Variants in DET1 observed in about 807,000 individuals in gnomAD.
DET1 encodes DET1 homolog.
DET1 carries 22 observed loss-of-function variants against 43.7 expected under a neutral mutation model. The ratio of observed to expected loss-of-function variants is 0.50; its 90% CI spans 0.36 to 0.72. The LOEUF (loss-of-function observed/expected upper bound fraction) is 0.72. DET1 is among the 30% of genes least tolerant of loss of function. The pLI is 0.00. For missense variants in DET1, 713 were observed against 713.3 expected, an observed-to-expected ratio of 1.00 and a Z score of 0.00; for synonymous variants, 315 against 266.2, an observed-to-expected ratio of 1.18 and a Z score of -1.79.
At chr15:88,520,614 AT>A (rs2056464621) in intron 3 of DET1, among the ~76,000 whole-genome samples, 1 of 152,242 alleles carries the variant, frequency 6.6e-6, no homozygotes, top group South Asian at 2.1e-4. Context: ...ATCCAGAAAC[AT>A]TAGAATTATC....
At chr15:88,539,315 C>T (rs1157799716) in intron 1 of DET1, among the ~76,000 whole-genome samples, 7 of 151,940 alleles carry the variant, frequency 4.6e-5, no homozygotes, top group Admixed American at 2.6e-4. Context: ...AAGGCAGCAT[C>T]GGACATAGCT....
chr15:88,540,369 TTC>T (rs2057074007), intron 1 of DET1, among the ~76,000 whole-genome samples: 2 of 152,064 alleles, frequency 1.3e-5, no homozygotes, highest in East Asian at 1.9e-4. Context: ...GTTATGTTAA[TTC>T]TGTTTTTCTG....
intron 3 of DET1, among the ~76,000 whole-genome samples, chr15:88,520,607 C>A (rs1262197377): frequency 6.6e-6 from 1 of 152,224 alleles, no homozygotes; most frequent in Non-Finnish European, 1.5e-5. Context: ...CTGTTCAATC[C>A]AGAAACATTA....
intron 1 of DET1, among the ~76,000 whole-genome samples, chr15:88,545,591 CT>C (rs1450990911): frequency 6.6e-6 from 1 of 152,068 alleles, no homozygotes; most frequent in Non-Finnish European, 1.5e-5. Flanking sequence ...ATTTTTAGGC[CT>C]TGTATATTAA....
At chr15:88,521,115 T>G (rs1327235778) in intron 3 of DET1, among the ~76,000 whole-genome samples, 5 of 152,208 alleles carry the variant, frequency 3.3e-5, no homozygotes, top group Admixed American at 3.3e-4. Flanking sequence ...TCTCTGACCC[T>G]ATTTCCAAGT....
Position 88,536,392 on chromosome 15 carries a change from G to A in DET1, c.-10-4677C>T, listed in dbSNP as rs570920376. ...CTGTATTCCCAGCACCTAGGAGAAG[G>A]GACAGTTAAGCGCTCATAAATATGT... On this transcript the variant is annotated intron_variant, in intron 1 of 4. Coordinates refer to ENST00000268148, the MANE Select transcript of DET1 (RefSeq NM_001144074.3). 1.4e-4 allele frequency: 106 copies of A among 760,838 alleles called. 1 individual carries two copies. In the South Asian group the frequency reaches 1.5e-3, roughly 10 times the overall value. 47.1% of individuals were successfully genotyped at this position (760,838 alleles called of 1,614,324 possible).
chr15:88,508,359 C>A (rs891817326), downstream of DET1, among the ~76,000 whole-genome samples: 1 of 152,118 alleles, frequency 6.6e-6, no homozygotes, highest in East Asian at 1.9e-4. Flanking sequence ...AGCATATAAC[C>A]CTGAAATTCA....
chr15:88,511,547 T>C (rs1394571963), downstream of DET1: 9 of 985,446 alleles, frequency 9.1e-6, no homozygotes, highest in East Asian at 7.9e-4. Flanking sequence ...CACAGTATAT[T>C]TTTCTTTTTC....
chr15:88,543,228 A>T (rs2057158739), intron 1 of DET1, among the ~76,000 whole-genome samples: 1 of 152,156 alleles, frequency 6.6e-6, no homozygotes, highest in Non-Finnish European at 1.5e-5. Flanking sequence ...TGGCTTATTT[A>T]TCTAAGAGGC....
intron 3 of DET1, among the ~76,000 whole-genome samples, chr15:88,526,553 T>C (rs371738819): frequency 6.6e-6 from 1 of 152,076 alleles, no homozygotes; most frequent in South Asian, 2.1e-4. Context: ...TATATGTAAA[T>C]CTCCTCTTTG....
At position 88,530,080 on chromosome 15, in the gene DET1, A is replaced by T. The variant is rs184706372; in HGVS notation, c.1083+543T>A. Among the ~76,000 whole-genome samples the T allele has an allele frequency of 3.3e-5, 5 of 152,348 alleles. No individual in the cohort carries two copies. The South Asian group carries it at 6.2e-4, about 19-fold the overall frequency. On this transcript the variant is annotated intron_variant, in intron 2 of 4. Transcript: ENST00000268148. ...TATGTCCCAGCATGTGGGCAAGGTC[A>T]GGGTAAAGTCACAAAACTTAATTCT... is the stretch of plus-strand genomic sequence containing the variant.
In DET1 at chr15:88,527,663, G is replaced by T. The variant is rs182694429; in HGVS notation, c.1207C>A (p.His403Asn). The part of the protein sequence containing the change: ...FCDLFRNATL[H>N]SEVQFPCSAS... The stretch of plus-strand genomic sequence containing the variant: ...GAGCAGGGAAACTGAACTTCACTGT[G>T]CAGGGTAGCATTACGAAAAAGGTCA... Residue 403 changes from histidine (H) to asparagine (N), a missense_variant, in exon 3 of 5, where the codon CAC becomes AAC. By Grantham distance (68) the His-to-Asn change is moderately conservative (BLOSUM62 1). Coordinates refer to ENST00000268148, the MANE Select transcript of DET1 (RefSeq NM_001144074.3). The T allele has an allele frequency of 4.5e-4, 732 of 1,613,696 alleles. 1 individual carries two copies. The highest frequency in any genetic ancestry group is 1.4e-3 in the Admixed American group (84 of 59,976).
At chr15:88,502,155 A>T (rs903443961) in intron 8 of DET1, 18 of 152,210 alleles carry the variant, frequency 1.2e-4, no homozygotes, top group Non-Finnish European at 2.4e-4. Flanking sequence ...CCTCCTTAAG[A>T]CAGATTTCAA....
intron 3 of DET1, among the ~76,000 whole-genome samples, chr15:88,518,122 T>TC (rs2056396112): frequency 7.1e-6 from 1 of 140,858 alleles, no homozygotes; most frequent in Non-Finnish European, 1.5e-5. Context: ...TTTTTTTTTT[T>TC]GTAGAGACAG....
chr15:88,507,952 A>G (rs56837504), downstream of DET1, among the ~76,000 whole-genome samples: 20,179 of 152,170 alleles, frequency 0.13, 1,927 homozygotes, highest in East Asian at 0.52. Context: ...AGCTGCTTGC[A>G]TTACTACCTG....
At chr15:88,522,877 TTTC>T (rs1028658801) in intron 3 of DET1, among the ~76,000 whole-genome samples, 9 of 141,458 alleles carry the variant, frequency 6.4e-5, no homozygotes, top group East Asian at 3.9e-4. Flanking sequence ...TTGTTTTTTT[TTTC>T]TTCTTCTTTT....
At chr15:88,514,465 A>C (rs759344261) in intron 4 of DET1, among the ~76,000 whole-genome samples, 2 of 152,252 alleles carry the variant, frequency 1.3e-5, no homozygotes. Context: ...AATTTGATTT[A>C]AGTGAAATAA....
At chr15:88,527,534 A>G (rs1421520291) in intron 3 of DET1, 65 bp downstream of exon 3, 1 of 1,434,422 alleles carries the variant, frequency 7.0e-7, no homozygotes, top group African/African-American at 1.4e-5. Context: ...CCTAGAGACA[A>G]CAGCTATTGG....
intron 3 of DET1, among the ~76,000 whole-genome samples, chr15:88,526,389 T>A (rs2056663271): frequency 6.6e-6 from 1 of 152,182 alleles, no homozygotes; most frequent in African/African-American, 2.4e-5. Context: ...TAAAGTAGGA[T>A]TTAATTTAGG....
Sources: allele counts gnomAD v4.1 joint callset (sites outside exome capture counted in the v4.1 genomes callset), GRCh38; gene constraint gnomAD v4.1.1; transcripts MANE v1.5; gene names NCBI Gene and HGNC (gene_info 2026-07-23, HGNC 2026-07-21).